Variants in PATJ observed in about 807,000 individuals in gnomAD.
PATJ encodes PATJ crumbs cell polarity complex component.
PATJ carries 190 observed loss-of-function variants against 224.9 expected under a neutral mutation model. That is an observed-to-expected ratio of 0.84 (90% CI 0.75 to 0.95). The LOEUF is 0.95. Ranked by LOEUF, PATJ falls within the 40% of genes least tolerant of loss-of-function variation. The pLI, the probability that PATJ is intolerant of heterozygous loss-of-function variation, is 0.00. For synonymous variants in PATJ, 769 were observed against 820.3 expected, an observed-to-expected ratio of 0.94 and a Z score of 1.07; for missense variants, 2,121 against 2,270.3, an observed-to-expected ratio of 0.93 and a Z score of 1.34.
intron 28 of PATJ, among the ~76,000 whole-genome samples, chr1:61,997,606 G>C (rs1272599381): frequency 6.6e-6 from 1 of 152,044 alleles, no homozygotes; most frequent in Non-Finnish European, 1.5e-5. Context: ...AGTTATTTGA[G>C]TTCTGGATTA....
intron 22 of PATJ, among the ~76,000 whole-genome samples, chr1:61,886,047 G>T (rs1321517862): frequency 1.3e-5 from 2 of 151,948 alleles, no homozygotes; most frequent in Non-Finnish European, 2.9e-5. Flanking sequence ...GGATGGGGGA[G>T]TGATAGCATT....
intron 18 of PATJ, among the ~76,000 whole-genome samples, chr1:61,856,996 CA>C (rs1663785682): frequency 6.6e-6 from 1 of 152,062 alleles, no homozygotes; most frequent in Non-Finnish European, 1.5e-5. Flanking sequence ...GCATTTTAAC[CA>C]TATAACACTG....
At chr1:61,890,325 A>G (rs1571139190) in intron 22 of PATJ, among the ~76,000 whole-genome samples, 1 of 152,112 alleles carries the variant, frequency 6.6e-6, no homozygotes, top group Non-Finnish European at 1.5e-5. Context: ...CAAAAAAATA[A>G]AAAGTAAGCC....
intron 31 of PATJ, among the ~76,000 whole-genome samples, chr1:62,061,077 T>C (rs1239084452): frequency 1.3e-5 from 2 of 152,098 alleles, no homozygotes; most frequent in African/African-American, 4.8e-5. Context: ...TGGGATATGA[T>C]TGAACCTCTG....
intron 4 of PATJ, among the ~76,000 whole-genome samples, chr1:61,767,257 A>C (rs1646334537): frequency 6.6e-6 from 1 of 152,076 alleles, no homozygotes; most frequent in Non-Finnish European, 1.5e-5. Context: ...AAATGAAATG[A>C]AGTTTGAATG....
intron 30 of PATJ, among the ~76,000 whole-genome samples, chr1:62,050,683 G>A (rs1449258290): frequency 6.6e-6 from 1 of 152,110 alleles, no homozygotes; most frequent in African/African-American, 2.4e-5. Context: ...CAAAATCACT[G>A]GGAAAAGAAA....
chr1:62,121,354 A>G lies in PATJ; in HGVS notation c.5005+59A>G, dbSNP rs1665026316. On this transcript the variant is annotated intron_variant, in intron 38 of 43. Coordinates refer to ENST00000642238, the MANE Select transcript of PATJ (RefSeq NM_001350145.3). ...CTGTTACCCAAATTAAAAAAAAAAA[A>G]TGTGTTTTTTAAAAACCAGTCTTCT... 31 of 1,099,716 alleles carry G rather than the reference A, an allele frequency of 2.8e-5. No homozygotes were observed. The South Asian group carries it at 3.3e-4, about 12-fold the overall frequency. 68.1% of individuals were successfully genotyped at this position (1,099,716 alleles called of 1,614,324 possible).
intron 14 of PATJ, among the ~76,000 whole-genome samples, chr1:61,818,937 T>C (rs1303359125): frequency 1.3e-5 from 2 of 152,218 alleles, no homozygotes; most frequent in Non-Finnish European, 2.9e-5. Flanking sequence ...TATGAGGGCA[T>C]GTCATTATGT....
At chr1:61,838,656 C>T (rs548002539) in intron 17 of PATJ, among the ~76,000 whole-genome samples, 1 of 151,672 alleles carries the variant, frequency 6.6e-6, no homozygotes, top group South Asian at 2.1e-4. Context: ...AGGCGTGAGC[C>T]ACTGCGCCCG....
chr1:61,793,955 T>C (rs1650465810), intron 9 of PATJ, among the ~76,000 whole-genome samples: 1 of 145,230 alleles, frequency 6.9e-6, no homozygotes, highest in Non-Finnish European at 1.5e-5. Context: ...CAGGCTGGGG[T>C]GCAATGGCAC....
intron 27 of PATJ, among the ~76,000 whole-genome samples, chr1:61,965,240 G>C (rs756839295): frequency 1.8e-4 from 26 of 142,056 alleles, no homozygotes; most frequent in Non-Finnish European, 3.8e-4. Context: ...AACTTTCTGA[G>C]TTTCAGTTTA....
intron 27 of PATJ, among the ~76,000 whole-genome samples, chr1:61,976,119 G>A (rs923544072): frequency 6.6e-6 from 1 of 151,924 alleles, no homozygotes; most frequent in Non-Finnish European, 1.5e-5. Context: ...GCCTATACGT[G>A]TTCCATGTCT....
At chr1:62,146,518 G>A (rs1668054752) in intron 41 of PATJ, among the ~76,000 whole-genome samples, 1 of 152,168 alleles carries the variant, frequency 6.6e-6, no homozygotes, top group East Asian at 1.9e-4. Context: ...GCTCACGCCT[G>A]TAATCCCTGC....
At chr1:61,999,944 G>A (rs1017035126) in intron 28 of PATJ, among the ~76,000 whole-genome samples, 1 of 152,006 alleles carries the variant, frequency 6.6e-6, no homozygotes, top group Non-Finnish European at 1.5e-5. Context: ...GTGCAGTGGT[G>A]TGATCGCAGC....
At position 61,771,594 on chromosome 1, in the gene PATJ, A is replaced by T. The variant is rs768745497; in HGVS notation, c.688A>T (p.Ser230Cys). The T allele has an allele frequency of 3.7e-6, 6 of 1,607,136 alleles. No individual in the cohort carries two copies. The highest frequency in any genetic ancestry group is 5.1e-6 in the Non-Finnish European group (6 of 1,178,154). The change falls in exon 6 of 44, where the codon AGC (serine) becomes TGC (cysteine). Residue 230 changes from serine to cysteine, a missense_variant. Physicochemically the swap from Ser to Cys is moderately radical, Grantham distance 112 (BLOSUM62 -1). Transcript: ENST00000642238. Reference protein sequence around the residue: ...EPVHTKSSTSSSLNDTTLPET... With the variant: ...EPVHTKSSTSCSLNDTTLPET... ...AGTCCACACAAAAAGCAGTACTTCTAGCAGCCTAAATGATACAACTCTGCC... is the reference window on the plus strand; with the variant it reads ...AGTCCACACAAAAAGCAGTACTTCTTGCAGCCTAAATGATACAACTCTGCC...
intron 21 of PATJ, 61 bp from the exon 22 acceptor site, chr1:61,884,176 T>G: frequency 7.4e-7 from 1 of 1,351,254 alleles, no homozygotes. Context: ...ACCTAGTTGT[T>G]GAATGACTAA....
At chr1:61,855,050 G>A (rs1443273172) in intron 17 of PATJ, among the ~76,000 whole-genome samples, 3 of 152,226 alleles carry the variant, frequency 2.0e-5, no homozygotes, top group Non-Finnish European at 2.9e-5. Flanking sequence ...TGGTTTCCAT[G>A]TCTTTTCTGG....
At chr1:61,999,042 A>G (rs1406225211) in intron 28 of PATJ, among the ~76,000 whole-genome samples, 1 of 152,204 alleles carries the variant, frequency 6.6e-6, no homozygotes, top group African/African-American at 2.4e-5. Context: ...AAGTGCCATG[A>G]AAATAGAAAG....
At chr1:61,840,762 G>A (rs1177187600) in intron 17 of PATJ, among the ~76,000 whole-genome samples, 3 of 151,948 alleles carry the variant, frequency 2.0e-5, no homozygotes, top group Non-Finnish European at 4.4e-5. Context: ...TCTTGTAATA[G>A]GTAGGTGATA....
Sources: gnomAD v4.1 joint callset for allele counts (sites outside exome capture counted in the v4.1 genomes callset) on GRCh38, gnomAD v4.1.1 for gene constraint, MANE v1.5 for transcripts, NCBI Gene and HGNC (gene_info 2026-07-23, HGNC 2026-07-21) for gene names.